SLC48A1: variants seen among roughly 807,000 people sequenced by gnomAD.
SLC48A1 encodes solute carrier family 48 member 1.
In SLC48A1, 6 loss-of-function variants were observed where a neutral mutation model predicts 14.8. That is an observed-to-expected ratio of 0.41 (90% CI 0.22 to 0.80). The LOEUF (loss-of-function observed/expected upper bound fraction) is 0.80, where lower values mean the gene tolerates loss of function less well. Ranked by LOEUF, SLC48A1 falls within the 30% of genes least tolerant of loss-of-function variation. SLC48A1 has a pLI of 0.34. For synonymous variants in SLC48A1, 89 were observed against 90.0 expected (o/e 0.99, Z 0.06); for missense variants, 165 against 204.8 (o/e 0.81, Z 1.19).
At position 47,773,246 on chromosome 12, in the gene SLC48A1, GCCCTGCA is replaced by G. The variant is rs1942665502; in HGVS notation, c.-56_-50del. On this transcript the variant is annotated 5_prime_UTR_variant, in exon 1 of 3. Coordinates refer to ENST00000442218, the MANE Select transcript of SLC48A1 (RefSeq NM_017842.3). ...CCGCGGCTCCGGCTGGCGGCTTCGG[GCCCTGCA>G]CCTGTGACTCTCGGCCGCGCTCGCC... 4.0e-6 allele frequency: 5 copies of G among 1,235,386 alleles called. No individual in the cohort carries two copies. Among genetic ancestry groups the G allele is most frequent in the Middle Eastern group, 6.5e-4 (2 of 3,070 alleles). The allele number at this position is 1,235,386 out of a possible 1,614,324, so 76.5% of individuals were successfully genotyped here.
intron 1 of SLC48A1, among the ~76,000 whole-genome samples, chr12:47,775,497 G>A (rs896482137): frequency 6.6e-6 from 1 of 152,190 alleles, no homozygotes; most frequent in Non-Finnish European, 1.5e-5. Flanking sequence ...TGGTGGTGGT[G>A]GATGGTGGCA....
At chr12:47,756,418 C>CCGGAGAG (rs879932192), upstream of SLC48A1, 1 of 152,236 alleles carries the variant, frequency 6.6e-6, no homozygotes, top group African/African-American at 2.4e-5. Context: ...AGCCAGTGAC[C>CCGGAGAG]CGGAGAGCGG....
exon 2 of SLC48A1, chr12:47,760,401 G>A (rs1442291866): frequency 1.0e-6 from 1 of 985,350 alleles, no homozygotes; most frequent in Non-Finnish European, 1.2e-6. Flanking sequence ...GGGAGTCACA[G>A]GTATGCATGG....
At position 47,782,700 on chromosome 12, in the gene SLC48A1, T is replaced by C. The variant is rs1942926248; in HGVS notation, c.*2419T>C. 6.6e-6 allele frequency: 1 copy of C among 152,288 alleles called. No individual in the cohort carries two copies. Among genetic ancestry groups the C allele is most frequent in the African/African-American group, 2.4e-5 (1 of 41,482 alleles). The allele number at this position is 152,288 out of a possible 1,614,324, so 9.4% of individuals were successfully genotyped here. ...CGCTTGACGGCGCACTGCTCACTTCTGGGGGGCCCTTTCAGAGGCACTTTT... is the reference window on the plus strand; with the variant it reads ...CGCTTGACGGCGCACTGCTCACTTCCGGGGGGCCCTTTCAGAGGCACTTTT... On this transcript the variant is annotated 3_prime_UTR_variant, in exon 3 of 3. Coordinates refer to ENST00000442218, the MANE Select transcript of SLC48A1 (RefSeq NM_017842.3).
Position 47,759,224 on chromosome 12 carries a change from G to T in SLC48A1, c.-373+564G>T, listed in dbSNP as rs897395344. 5 of 511,310 alleles carry T rather than the reference G, an allele frequency of 9.8e-6. No homozygotes were observed. In the South Asian group the frequency reaches 2.5e-4, roughly 26 times the overall value. The allele number at this position is 511,310 out of a possible 1,614,324, so 31.7% of individuals were successfully genotyped here. On this transcript the variant is annotated intron_variant, in intron 1 of 4. Transcript: ENST00000547002. ...AGGAAACCGGGGAGAGCGGGGAGGG[G>T]GTGAGTCACTGCGGCCTCACCCGGG... is the stretch of plus-strand genomic sequence containing the variant.
Position 47,781,686 on chromosome 12 carries a change from T to C in SLC48A1, c.*1405T>C, listed in dbSNP as rs1942882208. The C allele has an allele frequency of 6.5e-6, 1 of 152,752 alleles. No homozygotes were observed. The highest frequency in any genetic ancestry group is 2.4e-5 in the African/African-American group (1 of 41,450). 9.5% of individuals were successfully genotyped at this position (152,752 alleles called of 1,614,324 possible). A position where few individuals can be genotyped will look rare whatever the true frequency, so the allele number is the denominator to read the frequency against. On this transcript the variant is annotated 3_prime_UTR_variant, in exon 3 of 3. Coordinates refer to ENST00000442218, the MANE Select transcript of SLC48A1 (RefSeq NM_017842.3). ...ATTTGTATCAGCCTCTGGTGGTTGC[T>C]TGTGAGGTGGGACTCTTGCGGGAAC...
At chr12:47,773,477 C>T in intron 1 of SLC48A1, 37 bp downstream of exon 1, 1 of 1,294,714 alleles carries the variant, frequency 7.7e-7, no homozygotes, top group South Asian at 2.2e-5. Context: ...GGCGGGTGCG[C>T]GGCTGCGGGG....
chr12:47,773,844 T>A (rs915194779), intron 1 of SLC48A1, among the ~76,000 whole-genome samples: 6 of 151,900 alleles, frequency 3.9e-5, no homozygotes, highest in African/African-American at 1.5e-4. Flanking sequence ...ACACACACGG[T>A]TGTTCTGAGG....
At chr12:47,757,715 A>C (rs1942166291), upstream of SLC48A1, 3 of 717,840 alleles carry the variant, frequency 4.2e-6, no homozygotes. Flanking sequence ...CGCACACTGC[A>C]GACAAGCTTC....
chr12:47,780,174 T>C lies in SLC48A1; in HGVS notation c.334T>C (p.Ser112Pro). ...CACAGACCCCACCAGCTACTACCTC[T>C]CCAGCGTCTGGAGCTTCATTTCCTT... ...SLTDPTSYYL[S>P]SVWSFISFKW... is the part of the protein sequence containing the mutation. Residue 112 changes from serine (S) to proline (P), a missense_variant, in exon 3 of 3, where the codon TCC becomes CCC. Ser to Pro is a moderately conservative substitution (Grantham distance 74). Coordinates refer to ENST00000442218, the MANE Select transcript of SLC48A1 (RefSeq NM_017842.3). The C allele has an allele frequency of 6.2e-7, 1 of 1,611,802 alleles. No homozygotes were observed. The highest frequency in any genetic ancestry group is 8.5e-7 in the Non-Finnish European group (1 of 1,178,706).
intron 2 of SLC48A1, among the ~76,000 whole-genome samples, chr12:47,761,816 A>G (rs1942387086): frequency 6.6e-6 from 1 of 152,180 alleles, no homozygotes; most frequent in African/African-American, 2.4e-5. Flanking sequence ...GTATATATTC[A>G]CTGACTGAAT....
At chr12:47,767,514 G>A (rs953747992), upstream of SLC48A1, among the ~76,000 whole-genome samples, 1 of 152,198 alleles carries the variant, frequency 6.6e-6, no homozygotes, top group Non-Finnish European at 1.5e-5. Context: ...TTTCTGGGAC[G>A]TGGAACTTTT....
At position 47,777,209 on chromosome 12, in the gene SLC48A1, CACCTCT is replaced by C. The variant is rs1247525646; in HGVS notation, c.137-1818_137-1813del. Among the ~76,000 whole-genome samples, 1 of 152,194 alleles carries C rather than the reference CACCTCT, an allele frequency of 6.6e-6. No homozygotes were observed. Among genetic ancestry groups the C allele is most frequent in the Non-Finnish European group, 1.5e-5 (1 of 68,034 alleles). ...GAAGCTGCAGGATGATTGTCCTGTCCACCTCTGGCCCACTCCAGCATCCAGACTAGG... is the reference window on the plus strand; with the variant it reads ...GAAGCTGCAGGATGATTGTCCTGTCCGGCCCACTCCAGCATCCAGACTAGG... On this transcript the variant is annotated intron_variant, in intron 1 of 2. Coordinates refer to ENST00000442218, the MANE Select transcript of SLC48A1 (RefSeq NM_017842.3). This position sits in a 1 kb window ranked among gnomAD's most constrained non-coding sequence, Gnocchi z 4.5.
intron 2 of SLC48A1, among the ~76,000 whole-genome samples, chr12:47,761,081 C>T (rs2136841512): frequency 6.6e-6 from 1 of 152,040 alleles, no homozygotes; most frequent in South Asian, 2.1e-4. Flanking sequence ...CCTGGAATCC[C>T]AGCTACTCAG....
upstream of SLC48A1, among the ~76,000 whole-genome samples, chr12:47,757,063 G>C (rs1289114760): frequency 6.6e-6 from 1 of 152,154 alleles, no homozygotes; most frequent in Non-Finnish European, 1.5e-5. Context: ...GGAGGCCAAG[G>C]CAGGTGGATT....
At chr12:47,760,958 A>T (rs1176245521) in intron 2 of SLC48A1, among the ~76,000 whole-genome samples, 1 of 152,192 alleles carries the variant, frequency 6.6e-6, no homozygotes, top group Non-Finnish European at 1.5e-5. Context: ...ACACCTTGGG[A>T]GGCTGAGGTG....
rs142299785 is a variant in SLC48A1 at position 47,762,278 on chromosome 12, C to T, written c.-187+1877C>T. Among the ~76,000 whole-genome samples the T allele has an allele frequency of 7.9e-4, 106 of 134,964 alleles. 3 individuals carry two copies. Among genetic ancestry groups the T allele is most frequent in the East Asian group, 1.5e-3 (7 of 4,570 alleles). The allele number at this position is 134,964 out of a possible 152,430, so 88.5% of individuals were successfully genotyped here. On this transcript the variant is annotated intron_variant, in intron 2 of 4. Coordinates refer to the SLC48A1 transcript ENST00000547002. Reference sequence around the variant, plus strand: ...GCTTTGACTCTGGGCTTGATTTTCCCCACCTCGGCCTCTTTGCTGAGCTCT... The same window carrying T: ...GCTTTGACTCTGGGCTTGATTTTCCTCACCTCGGCCTCTTTGCTGAGCTCT...
intron 1 of SLC48A1, among the ~76,000 whole-genome samples, chr12:47,775,120 G>A (rs1942717332): frequency 6.6e-6 from 1 of 152,154 alleles, no homozygotes; most frequent in Non-Finnish European, 1.5e-5. Context: ...CATCTATTAG[G>A]AGTGGGAGGA....
Position 47,773,403 on chromosome 12 carries a change from C to A in SLC48A1, c.99C>A (p.Tyr33Ter). The stretch of plus-strand genomic sequence containing the variant: ...TCTTCCTCGTCTGGACGGTGGTCTA[C>A]CGACAGCCGGGGACCGCGGCCATGG... ...FSIFLVWTVV[Y>*]RQPGTAAMGG... Residue 33 changes from tyrosine to a stop codon, truncating the protein, a stop_gained, in exon 1 of 3, where the codon TAC (tyrosine) becomes TAA (stop). Transcript: ENST00000442218. LOFTEE classifies it high-confidence loss of function. 1 of 1,460,476 alleles carries A rather than the reference C, an allele frequency of 6.8e-7. No homozygotes were observed. Among genetic ancestry groups the A allele is most frequent in the Non-Finnish European group, 9.1e-7 (1 of 1,101,918 alleles). 90.5% of individuals were successfully genotyped at this position (1,460,476 alleles called of 1,614,324 possible).
Sources: allele counts gnomAD v4.1 joint callset (sites outside exome capture counted in the v4.1 genomes callset), GRCh38; gene constraint gnomAD v4.1.1; non-coding constraint Gnocchi (gnomAD v3.1); transcripts MANE v1.5; gene names NCBI Gene and HGNC (gene_info 2026-07-23, HGNC 2026-07-21).